Variants in ELOVL5 observed in about 807,000 individuals in gnomAD.
ELOVL5 encodes the protein ELOVL fatty acid elongase 5, also known as very long chain fatty acid elongase 5.
In ELOVL5, 8 loss-of-function variants were observed where a neutral mutation model predicts 38.6. That is an observed-to-expected ratio of 0.21 (90% confidence interval 0.12 to 0.37). The LOEUF (loss-of-function observed/expected upper bound fraction) is 0.37. Among genes scored for constraint, ELOVL5 ranks in the 10% least tolerant of loss-of-function variants. ELOVL5 has a pLI of 1.00. For missense variants in ELOVL5, 280 were observed against 367.8 expected (o/e 0.76, Z 1.95); for synonymous variants, 127 against 133.7 (o/e 0.95, Z 0.34).
At chr6:53,270,539 G>A in intron 7 of ELOVL5, 54 bp downstream of exon 7, 1 of 1,591,808 alleles carries the variant, frequency 6.3e-7, no homozygotes, top group East Asian at 2.2e-5. Context: ...ATAGATGAGG[G>A]CCTTTGTTGG....
intron 1 of ELOVL5, among the ~76,000 whole-genome samples, chr6:53,297,522 A>C (rs550688265): frequency 6.6e-6 from 1 of 152,266 alleles, no homozygotes; most frequent in South Asian, 2.1e-4. Flanking sequence ...TTCACCCTTG[A>C]GTCACTTTGT....
chr6:53,283,037 C>G (rs570788578), intron 3 of ELOVL5, among the ~76,000 whole-genome samples: 23 of 152,286 alleles, frequency 1.5e-4, no homozygotes, highest in South Asian at 4.2e-4. Context: ...CAACTTCTTT[C>G]ATCTTTCCAA....
At chr6:53,317,520 A>G (rs1007901516) in intron 1 of ELOVL5, among the ~76,000 whole-genome samples, 4 of 152,154 alleles carry the variant, frequency 2.6e-5, no homozygotes, top group African/African-American at 9.7e-5. Flanking sequence ...GGAAACCATC[A>G]TTCTCAGCAA....
intron 1 of ELOVL5, among the ~76,000 whole-genome samples, chr6:53,318,441 T>C (rs1183514072): frequency 6.6e-6 from 1 of 152,256 alleles, no homozygotes; most frequent in Non-Finnish European, 1.5e-5. Context: ...GGAGCTTTGC[T>C]ATTAGCATAT....
intron 3 of ELOVL5, among the ~76,000 whole-genome samples, chr6:53,283,839 A>G (rs1330354165): frequency 1.3e-5 from 2 of 152,238 alleles, no homozygotes; most frequent in African/African-American, 2.4e-5. Flanking sequence ...TTGATAAAAT[A>G]TTATTCAAGT....
intron 1 of ELOVL5, among the ~76,000 whole-genome samples, chr6:53,329,010 G>C (rs1324944522): frequency 6.6e-6 from 1 of 152,144 alleles, no homozygotes. Flanking sequence ...CAGCCCACCT[G>C]GTGAAGTTCA....
chr6:53,287,028 T>C (rs1433301875), intron 3 of ELOVL5, among the ~76,000 whole-genome samples: 1 of 152,206 alleles, frequency 6.6e-6, no homozygotes, highest in Non-Finnish European at 1.5e-5. Context: ...TAATTTTATT[T>C]TAAATATTTT....
intron 1 of ELOVL5, among the ~76,000 whole-genome samples, chr6:53,298,901 G>GGT (rs1554136850): frequency 4.0e-5 from 2 of 50,080 alleles, no homozygotes; most frequent in Non-Finnish European, 3.5e-5. Flanking sequence ...GGGGCAAGGC[G>GGT]GGGGGGGGGA....
intron 1 of ELOVL5, among the ~76,000 whole-genome samples, chr6:53,300,476 T>A (rs1338326236): frequency 6.8e-6 from 1 of 148,028 alleles, no homozygotes; most frequent in African/African-American, 2.5e-5. Context: ...GCAAAAAAAA[T>A]AAAGCAGAAT....
At chr6:53,341,284 A>G (rs781592894) in intron 1 of ELOVL5, among the ~76,000 whole-genome samples, 5 of 152,204 alleles carry the variant, frequency 3.3e-5, no homozygotes, top group Admixed American at 6.5e-5. Flanking sequence ...AACAGAAGCT[A>G]TATGTTGATT....
At chr6:53,274,140 A>G (rs899484221) in intron 5 of ELOVL5, among the ~76,000 whole-genome samples, 3 of 152,168 alleles carry the variant, frequency 2.0e-5, no homozygotes, top group Non-Finnish European at 4.4e-5. Context: ...TGTCCTCCTG[A>G]AAGTTCTCTG....
chr6:53,284,314 T>TAAAA (rs139076867), intron 3 of ELOVL5, among the ~76,000 whole-genome samples: 50,523 of 138,764 alleles, frequency 0.36, 9,137 homozygotes, highest in African/African-American at 0.5. Flanking sequence ...TTTTTTTTTT[T>TAAAA]AAAAAAAAAG....
chr6:53,287,804 T>A (rs930311004), intron 3 of ELOVL5: 8 of 1,451,692 alleles, frequency 5.5e-6, no homozygotes, highest in Non-Finnish European at 7.5e-6. Flanking sequence ...GAGCCAGCCA[T>A]CCTTTCAACA....
intron 3 of ELOVL5, among the ~76,000 whole-genome samples, chr6:53,280,616 A>C (rs887295467): frequency 3.3e-5 from 5 of 152,170 alleles, no homozygotes; most frequent in Admixed American, 2.0e-4. Flanking sequence ...TCTTTGAGAC[A>C]GGGCCTGGCT....
At chr6:53,292,770 AAC>A (rs1282749435) in intron 2 of ELOVL5, among the ~76,000 whole-genome samples, 1 of 152,224 alleles carries the variant, frequency 6.6e-6, no homozygotes, top group African/African-American at 2.4e-5. Context: ...CAGCGTGGGC[AAC>A]AGAGTGAGAC....
At chr6:53,320,538 T>A (rs938062002) in intron 1 of ELOVL5, among the ~76,000 whole-genome samples, 1 of 151,940 alleles carries the variant, frequency 6.6e-6, no homozygotes, top group Non-Finnish European at 1.5e-5. Flanking sequence ...GGTTTCACCA[T>A]GGTCTCGATC....
chr6:53,328,635 G>A (rs1768652912), intron 1 of ELOVL5, among the ~76,000 whole-genome samples: 1 of 152,086 alleles, frequency 6.6e-6, no homozygotes, highest in African/African-American at 2.4e-5. Flanking sequence ...GTTAAAAAAA[G>A]GTCAAGCAGT....
chr6:53,331,800 G>A (rs150599935), intron 1 of ELOVL5, among the ~76,000 whole-genome samples: 51 of 152,282 alleles, frequency 3.3e-4, no homozygotes, highest in African/African-American at 1.0e-3. Flanking sequence ...GTATTAGTCC[G>A]TTTGGTGTTG....
intron 1 of ELOVL5, among the ~76,000 whole-genome samples, chr6:53,326,859 A>G (rs1333308381): frequency 2.0e-5 from 3 of 152,164 alleles, no homozygotes; most frequent in Non-Finnish European, 4.4e-5. Context: ...CCATGCTTCC[A>G]GCAGAGCAGG....
Sources: gnomAD v4.1 joint callset for allele counts (sites outside exome capture counted in the v4.1 genomes callset) on GRCh38, gnomAD v4.1.1 for gene constraint, MANE v1.5 for transcripts, NCBI Gene and HGNC (gene_info 2026-07-23, HGNC 2026-07-21) for gene names.